Variants in PPP3CA observed in about 807,000 individuals in gnomAD.
The protein encoded by PPP3CA is protein phosphatase 3 catalytic subunit alpha.
PPP3CA carries 14 observed loss-of-function variants against 66.5 expected under a neutral mutation model. The observed-to-expected ratio is 0.21, with a 90% CI of 0.14 to 0.33. PPP3CA has a LOEUF of 0.33. PPP3CA is among the 10% of genes least tolerant of loss of function. PPP3CA has a pLI of 1.00. For synonymous variants in PPP3CA, 232 were observed against 226.2 expected (o/e 1.03, Z -0.23); for missense variants, 317 against 639.5 (o/e 0.50, Z 5.44).
chr4:101,264,450 GAAAAAGAAAGTTAAC>G (rs139015851), intron 1 of PPP3CA, among the ~76,000 whole-genome samples: 98,818 of 151,494 alleles, frequency 0.65, 33,313 homozygotes, highest in Non-Finnish European at 0.75. Context: ...GACAGGGCAA[GAAAAAGAAAGTTAAC>G]AAAAAGAAAA....
At chr4:101,061,184 G>A in intron 9 of PPP3CA, 23 bp from the exon 10 acceptor site, 2 of 1,597,600 alleles carry the variant, frequency 1.3e-6, no homozygotes, top group East Asian at 4.5e-5. Flanking sequence ...AGCAAAGAAA[G>A]AAAAGTCAGG....
At chr4:101,206,070 T>C (rs964271996) in intron 1 of PPP3CA, among the ~76,000 whole-genome samples, 17 of 152,228 alleles carry the variant, frequency 1.1e-4, no homozygotes, top group African/African-American at 4.1e-4. Flanking sequence ...TCTGGGTCTT[T>C]CCACGTTTCA....
At chr4:101,239,810 C>T (rs1726243218) in intron 1 of PPP3CA, among the ~76,000 whole-genome samples, 1 of 151,902 alleles carries the variant, frequency 6.6e-6, no homozygotes, top group African/African-American at 2.4e-5. Context: ...GTCATTACTC[C>T]TTTAGGTTCT....
chr4:101,109,172 A>C, intron 2 of PPP3CA, 94 bp from the exon 3 acceptor site: 2 of 1,279,114 alleles, frequency 1.6e-6, no homozygotes, highest in Non-Finnish European at 2.2e-6. Context: ...AATTAATTTC[A>C]AGTTTATCTG....
intron 1 of PPP3CA, among the ~76,000 whole-genome samples, chr4:101,291,472 T>C (rs377041388): frequency 3.9e-5 from 5 of 129,292 alleles, no homozygotes; most frequent in African/African-American, 2.4e-4. Context: ...ACTCCAAGCC[T>C]CAATTAGAGG....
intron 2 of PPP3CA, among the ~76,000 whole-genome samples, chr4:101,135,944 T>C (rs564183923): frequency 6.6e-6 from 1 of 152,350 alleles, no homozygotes; most frequent in East Asian, 1.9e-4. Context: ...TATTGAACTA[T>C]TCATTTAAAT....
intron 1 of PPP3CA, among the ~76,000 whole-genome samples, chr4:101,284,053 C>T (rs1386053158): frequency 6.6e-6 from 1 of 152,176 alleles, no homozygotes; most frequent in African/African-American, 2.4e-5. Flanking sequence ...TGCTGGATAG[C>T]TCAGATTCTC....
At chr4:101,203,701 C>T (rs564343321) in intron 1 of PPP3CA, among the ~76,000 whole-genome samples, 1 of 152,102 alleles carries the variant, frequency 6.6e-6, no homozygotes, top group South Asian at 2.1e-4. Flanking sequence ...TCTCATGCTC[C>T]TTCCACCACA....
Position 101,102,159 on chromosome 4 carries a change from G to A in PPP3CA, c.385-2437C>T, listed in dbSNP as rs531869354. On this transcript the variant is annotated intron_variant, in intron 3 of 13. Coordinates refer to ENST00000394854, the MANE Select transcript of PPP3CA (RefSeq NM_000944.5). ...TAATATCCCTGATTATTTAATGGAT[G>A]TAAAGTACCTAGTATATGACAGGAG... Among the ~76,000 whole-genome samples the A allele has an allele frequency of 2.6e-5, 4 of 151,924 alleles. No individual in the cohort carries two copies. In the South Asian group the frequency reaches 8.3e-4, roughly 32 times the overall value.
At chr4:101,224,523 A>T (rs534337118) in intron 1 of PPP3CA, among the ~76,000 whole-genome samples, 24 of 151,870 alleles carry the variant, frequency 1.6e-4, no homozygotes, top group African/African-American at 5.3e-4. Flanking sequence ...TCCATTTCAA[A>T]ATGTCATTGC....
intron 1 of PPP3CA, among the ~76,000 whole-genome samples, chr4:101,342,233 A>G (rs912989799): frequency 5.9e-5 from 9 of 152,266 alleles, no homozygotes; most frequent in Admixed American, 5.2e-4. Flanking sequence ...TAAACTGTCC[A>G]TTTAAAATAA....
At chr4:101,344,006 T>C (rs1445098990) in intron 1 of PPP3CA, among the ~76,000 whole-genome samples, 1 of 152,160 alleles carries the variant, frequency 6.6e-6, no homozygotes, top group Non-Finnish European at 1.5e-5. Flanking sequence ...TTTATTTTTG[T>C]ATGTATATAT....
At chr4:101,099,472 A>G (rs1038311641) in intron 4 of PPP3CA, 139 bp downstream of exon 4, 5 of 420,930 alleles carry the variant, frequency 1.2e-5, no homozygotes, top group Non-Finnish European at 2.1e-5. Flanking sequence ...GCTTAGAAAG[A>G]AATATAGGAT....
At chr4:101,099,134 G>C (rs1560600946) in intron 4 of PPP3CA, among the ~76,000 whole-genome samples, 1 of 152,092 alleles carries the variant, frequency 6.6e-6, no homozygotes, top group Non-Finnish European at 1.5e-5. Context: ...AAGAAAAATT[G>C]TAAGGAGGAA....
chr4:101,181,694 T>C (rs1724240418), intron 2 of PPP3CA, among the ~76,000 whole-genome samples: 1 of 152,064 alleles, frequency 6.6e-6, no homozygotes, highest in African/African-American at 2.4e-5. Context: ...GAAAGGATTA[T>C]ACAAAATAAA....
At chr4:101,142,516 T>C (rs1207968564) in intron 2 of PPP3CA, among the ~76,000 whole-genome samples, 1 of 152,130 alleles carries the variant, frequency 6.6e-6, no homozygotes, top group East Asian at 1.9e-4. Context: ...CACTATACAA[T>C]GCACCCTACA....
chr4:101,043,301 A>G (rs986568931), intron 10 of PPP3CA, among the ~76,000 whole-genome samples: 2 of 152,148 alleles, frequency 1.3e-5, no homozygotes, highest in Admixed American at 1.3e-4. Flanking sequence ...GTAAGAAACT[A>G]TGCTGGAAAA....
At chr4:101,109,656 CAA>C (rs33932766) in intron 2 of PPP3CA, among the ~76,000 whole-genome samples, 7,068 of 103,926 alleles carry the variant, frequency 0.068, 155 homozygotes, top group Middle Eastern at 0.16. Context: ...ACCACTAAGG[CAA>C]AAAAAAAAAA....
intron 1 of PPP3CA, among the ~76,000 whole-genome samples, chr4:101,246,738 CAT>C (rs960899318): frequency 4.6e-5 from 7 of 151,996 alleles, no homozygotes; most frequent in Non-Finnish European, 8.8e-5. Flanking sequence ...TGTATATATG[CAT>C]ATATATGATA....
Sources: allele counts gnomAD v4.1 joint callset (sites outside exome capture counted in the v4.1 genomes callset), GRCh38; gene constraint gnomAD v4.1.1; transcripts MANE v1.5; gene names NCBI Gene and HGNC (gene_info 2026-07-23, HGNC 2026-07-21).